The following HIVEP3 variants were observed in gnomAD, a reference collection of about 807,000 sequenced individuals.
HIVEP3 encodes HIVEP zinc finger 3, also known as transcription factor HIVEP3.
In HIVEP3, 49 loss-of-function variants were observed where a neutral mutation model predicts 152.8. That is an observed-to-expected ratio of 0.32 (90% CI 0.26 to 0.41). HIVEP3 has a LOEUF of 0.41. Among genes scored for constraint, HIVEP3 ranks in the 10% least tolerant of loss-of-function variants. The pLI is 1.00. For synonymous variants in HIVEP3, 1,269 were observed against 1,289.0 expected (o/e 0.98, Z 0.33); for missense variants, 2,790 against 3,103.3 (o/e 0.90, Z 2.40).
intron 2 of HIVEP3, among the ~76,000 whole-genome samples, chr1:41,637,422 G>A (rs1344854402): frequency 6.6e-6 from 1 of 152,198 alleles, no homozygotes; most frequent in Non-Finnish European, 1.5e-5. Context: ...ACAAGCTTCA[G>A]CGCTTCTCAC....
Position 41,685,017 on chromosome 1 carries a change from G to T in HIVEP3, c.-721+15899C>A, listed in dbSNP as rs143951048. Among the ~76,000 whole-genome samples the T allele has an allele frequency of 4.6e-5, 7 of 152,286 alleles. No individual in the cohort carries two copies. The East Asian group carries it at 1.2e-3, about 25-fold the overall frequency. On this transcript the variant is annotated intron_variant, in intron 2 of 8. Transcript: ENST00000372583. ...ATCACCACGTGCTTGTGTGGACAGG[G>T]CCTCTTCTCCTTCTCCCTGGATTCC...
rs902452238 is a variant in HIVEP3 at position 41,808,149 on chromosome 1, G to T, written c.-800-107154C>A. ...TAAAGTAAGATTACTACCCCCATTTGGTAGAGATCAAGAACTAGGCCCAAA... is the reference window on the plus strand; with the variant it reads ...TAAAGTAAGATTACTACCCCCATTTTGTAGAGATCAAGAACTAGGCCCAAA... On this transcript the variant is annotated intron_variant, in intron 1 of 8. Coordinates refer to ENST00000372583, the MANE Select transcript of HIVEP3 (RefSeq NM_024503.5). 2.0e-5 allele frequency among the ~76,000 whole-genome samples: 3 copies of T among 152,170 alleles called. No individual in the cohort carries two copies. In the East Asian group the frequency reaches 5.8e-4, roughly 29 times the overall value.
intron 1 of HIVEP3, among the ~76,000 whole-genome samples, chr1:41,824,869 CAG>C (rs1255965360): frequency 3.5e-5 from 4 of 113,910 alleles, no homozygotes; most frequent in African/African-American, 1.5e-4. Context: ...GAGACAGAGA[CAG>C]AGAGAGAAAG....
At chr1:41,710,894 A>T (rs1465677978) in intron 1 of HIVEP3, among the ~76,000 whole-genome samples, 1 of 152,012 alleles carries the variant, frequency 6.6e-6, no homozygotes, top group East Asian at 1.9e-4. Context: ...TACTCCACTG[A>T]CTCCCCAAAG....
chr1:41,772,626 A>G (rs1479104788), intron 1 of HIVEP3, among the ~76,000 whole-genome samples: 1 of 152,160 alleles, frequency 6.6e-6, no homozygotes, highest in Non-Finnish European at 1.5e-5. Flanking sequence ...AGAATAAAAT[A>G]GGGCCAGGCA....
intron 1 of HIVEP3, among the ~76,000 whole-genome samples, chr1:41,746,866 G>A (rs992340596): frequency 1.3e-5 from 2 of 152,124 alleles, no homozygotes; most frequent in Admixed American, 6.5e-5. Context: ...CTCAGGTAAC[G>A]GCTGCTGGGT....
In HIVEP3 at chr1:41,861,012, G is replaced by A. The variant is rs148487233; in HGVS notation, c.-801+57401C>T. Among the ~76,000 whole-genome samples the A allele has an allele frequency of 1.2e-3, 177 of 152,298 alleles. 1 individual carries two copies. The highest frequency in any genetic ancestry group is 3.8e-3 in the African/African-American group (160 of 41,574). On this transcript the variant is annotated intron_variant, in intron 1 of 8. Transcript: ENST00000372583. ...CAACGTGATTAAAATCCCGAACTAC[G>A]AGGGAGGAGAGGCCTTGCTGCCAGC...
chr1:41,531,696 G>A (rs1474132670), intron 5 of HIVEP3, among the ~76,000 whole-genome samples: 3 of 108,626 alleles, frequency 2.8e-5, no homozygotes, highest in Non-Finnish European at 5.7e-5. Context: ...ATAGAGGACA[G>A]GGGAGATGGA....
chr1:41,977,092 G>A (rs1026782859), intron 1 of HIVEP3, among the ~76,000 whole-genome samples: 3 of 152,204 alleles, frequency 2.0e-5, no homozygotes, highest in South Asian at 4.1e-4. Flanking sequence ...AACCAAAAGC[G>A]AAAGGATGGA....
chr1:41,862,538 C>G (rs993355234), intron 1 of HIVEP3, among the ~76,000 whole-genome samples: 8 of 152,186 alleles, frequency 5.3e-5, no homozygotes, highest in Non-Finnish European at 1.5e-5. Flanking sequence ...TGCCTCCACC[C>G]CCAAGCCACT....
intron 1 of HIVEP3, among the ~76,000 whole-genome samples, chr1:41,764,752 T>G (rs1322402595): frequency 6.6e-6 from 1 of 152,172 alleles, no homozygotes; most frequent in Non-Finnish European, 1.5e-5. Context: ...GCCCCTGTCC[T>G]CAGGGGCCCT....
intron 5 of HIVEP3, among the ~76,000 whole-genome samples, chr1:41,564,436 A>G (rs1644130971): frequency 6.6e-6 from 1 of 152,200 alleles, no homozygotes; most frequent in South Asian, 2.1e-4. Flanking sequence ...CAGAAGTCCC[A>G]GGGTCACCAG....
intron 1 of HIVEP3, among the ~76,000 whole-genome samples, chr1:41,862,876 G>A (rs956432829): frequency 4.6e-5 from 7 of 152,190 alleles, no homozygotes; most frequent in African/African-American, 1.4e-4. Context: ...AGATATAGAC[G>A]GAAGATAAGC....
chr1:41,645,767 G>T (rs935721887), intron 2 of HIVEP3, among the ~76,000 whole-genome samples: 1 of 152,164 alleles, frequency 6.6e-6, no homozygotes, highest in African/African-American at 2.4e-5. Context: ...CCAACCATTC[G>T]TTCATGCATT....
intron 3 of HIVEP3, among the ~76,000 whole-genome samples, chr1:41,592,781 C>T (rs1302426955): frequency 6.6e-6 from 1 of 152,230 alleles, no homozygotes; most frequent in Non-Finnish European, 1.5e-5. Flanking sequence ...AACATTCTAA[C>T]CTCACTCAGG....
intron 2 of HIVEP3, among the ~76,000 whole-genome samples, chr1:41,686,598 T>C (rs1256658558): frequency 2.0e-5 from 3 of 152,302 alleles, no homozygotes; most frequent in African/African-American, 7.2e-5. Context: ...GAGTGTGCTG[T>C]GTACTTCTAA....
At chr1:41,828,344 T>C (rs1436439778) in intron 1 of HIVEP3, among the ~76,000 whole-genome samples, 1 of 152,242 alleles carries the variant, frequency 6.6e-6, no homozygotes, top group Non-Finnish European at 1.5e-5. Flanking sequence ...CAGAGCCAAG[T>C]TCTAACCACA....
intron 2 of HIVEP3, among the ~76,000 whole-genome samples, chr1:41,649,096 G>A (rs565815541): frequency 2.6e-5 from 4 of 152,272 alleles, no homozygotes; most frequent in Admixed American, 1.3e-4. Context: ...CCACTTCTAC[G>A]GGAAGATGGA....
chr1:41,717,666 A>G (rs908536585), intron 1 of HIVEP3, among the ~76,000 whole-genome samples: 4 of 152,178 alleles, frequency 2.6e-5, no homozygotes, highest in African/African-American at 9.7e-5. Flanking sequence ...GCTCTTGGGA[A>G]AAGAGAGGCT....
Sources: gnomAD v4.1 joint callset for allele counts (sites outside exome capture counted in the v4.1 genomes callset) on GRCh38, gnomAD v4.1.1 for gene constraint, MANE v1.5 for transcripts, NCBI Gene and HGNC (gene_info 2026-07-23, HGNC 2026-07-21) for gene names.